RUFY3: variants seen among roughly 807,000 people sequenced by gnomAD.
The protein encoded by RUFY3 is RUN and FYVE domain containing 3.
RUFY3 carries 34 observed loss-of-function variants against 84.0 expected under a neutral mutation model. That is an observed-to-expected ratio of 0.40 (90% CI 0.31 to 0.54). The LOEUF is 0.54. RUFY3 is among the 20% of genes least tolerant of loss of function. RUFY3 has a pLI of 0.39. For synonymous variants in RUFY3, 242 were observed against 252.9 expected (o/e 0.96, Z 0.41); for missense variants, 507 against 736.8 (o/e 0.69, Z 3.61).
intron 15 of RUFY3, among the ~76,000 whole-genome samples, chr4:70,802,521 T>A (rs1164922952): frequency 1.3e-5 from 2 of 152,160 alleles, no homozygotes; most frequent in Non-Finnish European, 2.9e-5. Context: ...TTGCTAAAGC[T>A]CACATCTTAA....
intron 1 of RUFY3, among the ~76,000 whole-genome samples, chr4:70,749,116 T>A (rs1722692218): frequency 6.6e-6 from 1 of 152,190 alleles, no homozygotes; most frequent in Non-Finnish European, 1.5e-5. Flanking sequence ...CCAAAACATT[T>A]AAATTATTTC....
At chr4:70,723,698 A>T (rs953931247) in intron 1 of RUFY3, among the ~76,000 whole-genome samples, 2 of 152,198 alleles carry the variant, frequency 1.3e-5, no homozygotes, top group African/African-American at 4.8e-5. Flanking sequence ...ATGAAAAAAA[A>T]CAAAAAACGC....
intron 1 of RUFY3, among the ~76,000 whole-genome samples, chr4:70,752,875 T>C (rs143622687): frequency 6.6e-6 from 1 of 152,232 alleles, no homozygotes; most frequent in Admixed American, 6.5e-5. Flanking sequence ...AGTTTTCTTA[T>C]GATATCTTTA....
rs776654835 is a variant in RUFY3, at chr4:70,807,614, G to A, written c.*955G>A. Among the ~76,000 whole-genome samples the A allele has an allele frequency of 2.6e-5, 4 of 151,688 alleles. No homozygotes were observed. Among genetic ancestry groups the A allele is most frequent in the South Asian group, 2.1e-4 (1 of 4,806 alleles). ...CAGCTCACTGAATCCCTGTTCTCCC[G>A]GGCCTCAAGCAATCTTCCCACCTTA... On this transcript the variant is annotated 3_prime_UTR_variant, in exon 18 of 18. Transcript: ENST00000381006.
intron 1 of RUFY3, among the ~76,000 whole-genome samples, chr4:70,709,722 A>AC (rs1480518547): frequency 6.6e-6 from 1 of 152,142 alleles, no homozygotes; most frequent in Non-Finnish European, 1.5e-5. Context: ...TGGAAGAGTC[A>AC]CCCTGCTGTT....
intron 6 of RUFY3, 35 bp from the exon 7 acceptor site, chr4:70,775,129 GTTAT>G: frequency 2.0e-6 from 3 of 1,485,348 alleles, no homozygotes; most frequent in Non-Finnish European, 2.8e-6. Flanking sequence ...TATTTCTTAT[GTTAT>G]TTATTTTATT....
chr4:70,718,729 C>A (rs376076570), upstream of RUFY3, among the ~76,000 whole-genome samples: 1 of 147,812 alleles, frequency 6.8e-6, no homozygotes, highest in Admixed American at 6.8e-5. Flanking sequence ...TATCTAAAAT[C>A]TTTTTTTTTT....
At chr4:70,750,000 CT>C (rs1214596815) in intron 1 of RUFY3, among the ~76,000 whole-genome samples, 413 of 142,348 alleles carry the variant, frequency 2.9e-3, no homozygotes, top group Admixed American at 7.1e-3. Flanking sequence ...AATTATGAAA[CT>C]TTTTTTTTTT....
At chr4:70,705,869 T>C (rs573069043) in intron 1 of RUFY3, among the ~76,000 whole-genome samples, 5 of 152,288 alleles carry the variant, frequency 3.3e-5, no homozygotes, top group African/African-American at 1.2e-4. Context: ...CCGGTAAATA[T>C]GACAGATCCG....
chr4:70,715,071 C>G (rs953332672), intron 1 of RUFY3, among the ~76,000 whole-genome samples: 1 of 152,068 alleles, frequency 6.6e-6, no homozygotes, highest in Non-Finnish European at 1.5e-5. Flanking sequence ...TGGTTAATAT[C>G]TATAAAGTGA....
At chr4:70,734,298 C>A in intron 1 of RUFY3, 1 of 573,686 alleles carries the variant, frequency 1.7e-6, no homozygotes, top group Non-Finnish European at 2.2e-6. Context: ...CTCTTTTTCA[C>A]AGAATTGTGT....
At chr4:70,776,771 G>A (rs916894392) in intron 7 of RUFY3, among the ~76,000 whole-genome samples, 23 of 151,270 alleles carry the variant, frequency 1.5e-4, no homozygotes, top group African/African-American at 2.2e-4. Context: ...GCGAGACTCC[G>A]TCTCAAAACA....
At chr4:70,730,572 C>CAAAAAAAAAAAAAAAAA (rs796173421) in intron 1 of RUFY3, among the ~76,000 whole-genome samples, 2 of 106,552 alleles carry the variant, frequency 1.9e-5, no homozygotes, top group African/African-American at 3.5e-5. Flanking sequence ...ACTAAAAATA[C>CAAAAAAAAAAAAAAAAA]AAAAAAAAAA....
upstream of RUFY3, chr4:70,704,631 G>A (rs944188296): frequency 9.0e-6 from 2 of 223,280 alleles, no homozygotes; most frequent in Non-Finnish European, 1.7e-5. Flanking sequence ...GGGAAGAGGA[G>A]GACGCTGCCC....
At chr4:70,727,234 G>T (rs1453340111) in intron 1 of RUFY3, among the ~76,000 whole-genome samples, 3 of 149,400 alleles carry the variant, frequency 2.0e-5, no homozygotes, top group South Asian at 2.1e-4. Context: ...TTACTGAGAT[G>T]AAGTGGTATA....
chr4:70,709,737 C>CA (rs1297042662), intron 1 of RUFY3, among the ~76,000 whole-genome samples: 5 of 152,190 alleles, frequency 3.3e-5, no homozygotes, highest in Admixed American at 1.3e-4. Flanking sequence ...GCTGTTTGCA[C>CA]AGTTAACAGC....
chr4:70,796,282 G>A (rs1245138192), intron 14 of RUFY3, among the ~76,000 whole-genome samples: 3 of 152,138 alleles, frequency 2.0e-5, no homozygotes, highest in Non-Finnish European at 4.4e-5. Context: ...CAAGCAAAAT[G>A]CCTTCAGCAT....
chr4:70,783,892 T>A (rs1560548464), intron 9 of RUFY3, among the ~76,000 whole-genome samples: 1 of 152,216 alleles, frequency 6.6e-6, no homozygotes, highest in East Asian at 1.9e-4. Flanking sequence ...TTTTTACTGA[T>A]GCTCGGTGTT....
intron 5 of RUFY3, among the ~76,000 whole-genome samples, chr4:70,772,999 A>G (rs982255620): frequency 1.3e-5 from 2 of 152,232 alleles, no homozygotes; most frequent in Non-Finnish European, 2.9e-5. Flanking sequence ...GCTAAATAAT[A>G]AAATGGCAAT....
Sources: gnomAD v4.1 joint callset for allele counts (sites outside exome capture counted in the v4.1 genomes callset) on GRCh38, gnomAD v4.1.1 for gene constraint, MANE v1.5 for transcripts, NCBI Gene and HGNC (gene_info 2026-07-23, HGNC 2026-07-21) for gene names.